The following PRKCE variants were observed in gnomAD, a reference collection of about 807,000 sequenced individuals.
PRKCE encodes protein kinase C epsilon.
In PRKCE, 16 loss-of-function variants were observed where a neutral mutation model predicts 85.4. The ratio of observed to expected loss-of-function variants is 0.19; its 90% CI spans 0.13 to 0.28. PRKCE has a LOEUF of 0.28. Ranked by LOEUF, PRKCE falls within the 10% of genes least tolerant of loss-of-function variation. PRKCE has a pLI of 1.00. For synonymous variants in PRKCE, 388 were observed against 371.5 expected, an observed-to-expected ratio of 1.04 and a Z score of -0.51; for missense variants, 573 against 975.2, an observed-to-expected ratio of 0.59 and a Z score of 5.49.
intron 2 of PRKCE, among the ~76,000 whole-genome samples, chr2:45,869,332 G>C (rs1484418264): frequency 6.6e-6 from 1 of 152,210 alleles, no homozygotes; most frequent in African/African-American, 2.4e-5. Flanking sequence ...TATCTTCAGG[G>C]AAGAGAGGAT....
At chr2:46,157,285 C>A (rs1051579405) in intron 13 of PRKCE, among the ~76,000 whole-genome samples, 2 of 152,178 alleles carry the variant, frequency 1.3e-5, no homozygotes, top group Admixed American at 1.3e-4. Context: ...GGCCACCATC[C>A]CAGGCCCCAA....
chr2:46,014,527 A>T (rs1437324192), intron 10 of PRKCE, among the ~76,000 whole-genome samples: 1 of 152,194 alleles, frequency 6.6e-6, no homozygotes, highest in Non-Finnish European at 1.5e-5. Context: ...AGTGGGTAAC[A>T]TTGTCAGTAG....
chr2:46,094,834 A>C (rs562617521), intron 11 of PRKCE, among the ~76,000 whole-genome samples: 1 of 152,176 alleles, frequency 6.6e-6, no homozygotes, highest in East Asian at 1.9e-4. Context: ...ATTTTCACTC[A>C]ATTTTAAGGT....
intron 1 of PRKCE, among the ~76,000 whole-genome samples, chr2:45,720,400 G>A (rs1052467215): frequency 1.3e-5 from 2 of 152,074 alleles, no homozygotes; most frequent in African/African-American, 4.8e-5. Context: ...ACCTCCCAGG[G>A]GTAGCTTGGG....
At chr2:45,878,714 C>T (rs1001826783) in intron 2 of PRKCE, among the ~76,000 whole-genome samples, 5 of 152,292 alleles carry the variant, frequency 3.3e-5, no homozygotes, top group Middle Eastern at 3.4e-3. Flanking sequence ...CTAGAGTTCT[C>T]ACTTTTTTAA....
chr2:46,097,586 TG>T (rs1428691733), intron 11 of PRKCE, among the ~76,000 whole-genome samples: 1 of 149,466 alleles, frequency 6.7e-6, no homozygotes, highest in Non-Finnish European at 1.5e-5. Context: ...GGGCTCCCTT[TG>T]CACCCAGCCA....
intron 1 of PRKCE, among the ~76,000 whole-genome samples, chr2:45,825,067 T>C (rs116345096): frequency 5.1e-4 from 77 of 152,318 alleles, no homozygotes; most frequent in African/African-American, 1.8e-3. Context: ...TTCAGCAAAT[T>C]TGCCAACTCC....
chr2:45,763,725 A>C (rs1684697446), intron 1 of PRKCE, among the ~76,000 whole-genome samples: 1 of 152,108 alleles, frequency 6.6e-6, no homozygotes, highest in Non-Finnish European at 1.5e-5. Flanking sequence ...TAAAGTCAGG[A>C]AGGGCCCAAG....
intron 1 of PRKCE, among the ~76,000 whole-genome samples, chr2:45,694,942 G>A (rs903947861): frequency 1.1e-4 from 17 of 152,084 alleles, no homozygotes; most frequent in Non-Finnish European, 2.4e-4. Context: ...TGAGGAGATC[G>A]GTGTTTTGGA....
chr2:45,978,270 G>A (rs1574092841), intron 3 of PRKCE: 2 of 152,340 alleles, frequency 1.3e-5, no homozygotes, highest in African/African-American at 4.8e-5. Flanking sequence ...GGTTCCCTGG[G>A]GTGGAGCCTG....
At chr2:46,002,416 T>C (rs966999166) in intron 7 of PRKCE, among the ~76,000 whole-genome samples, 1 of 152,214 alleles carries the variant, frequency 6.6e-6, no homozygotes, top group African/African-American at 2.4e-5. Flanking sequence ...TCCGCCTAAA[T>C]AGTCTCCCTG....
At chr2:46,117,267 C>T (rs556606747) in intron 11 of PRKCE, among the ~76,000 whole-genome samples, 1 of 152,302 alleles carries the variant, frequency 6.6e-6, no homozygotes, top group East Asian at 1.9e-4. Flanking sequence ...ACTTCATTCT[C>T]AGGGCAAAAA....
At chr2:45,892,284 G>C (rs897045414) in intron 2 of PRKCE, among the ~76,000 whole-genome samples, 1 of 152,198 alleles carries the variant, frequency 6.6e-6, no homozygotes, top group Non-Finnish European at 1.5e-5. Flanking sequence ...CATGTCCCAT[G>C]CCTGTCCACT....
chr2:46,171,844 C>T (rs575181194), intron 14 of PRKCE, among the ~76,000 whole-genome samples: 4 of 152,300 alleles, frequency 2.6e-5, no homozygotes, highest in East Asian at 1.9e-4. Flanking sequence ...TGTGGAGCTC[C>T]GGTCCAGTGG....
At chr2:46,178,187 G>C (rs4952807) in intron 14 of PRKCE, among the ~76,000 whole-genome samples, 60,707 of 152,098 alleles carry the variant, frequency 0.4, 14,617 homozygotes, top group East Asian at 0.86. Context: ...TTGAACCCGG[G>C]AGGCGGAGGT....
At chr2:45,720,250 A>G (rs1014802472) in intron 1 of PRKCE, among the ~76,000 whole-genome samples, 1 of 152,148 alleles carries the variant, frequency 6.6e-6, no homozygotes, top group Non-Finnish European at 1.5e-5. Flanking sequence ...GGGAGTTACC[A>G]TAAAGTGGAG....
chr2:45,759,923 A>G (rs1362094853), intron 1 of PRKCE, among the ~76,000 whole-genome samples: 1 of 152,158 alleles, frequency 6.6e-6, no homozygotes, highest in African/African-American at 2.4e-5. Context: ...TCTAATGTGT[A>G]GTTAGATTTT....
chr2:45,794,854 C>CCG (rs1558679636), intron 1 of PRKCE, among the ~76,000 whole-genome samples: 1 of 151,308 alleles, frequency 6.6e-6, no homozygotes, highest in Non-Finnish European at 1.5e-5. Flanking sequence ...TACCCCCCCC[C>CCG]CCATCCACCA....
At chr2:46,143,885 C>G (rs1347084725) in intron 11 of PRKCE, among the ~76,000 whole-genome samples, 1 of 152,168 alleles carries the variant, frequency 6.6e-6, no homozygotes, top group African/African-American at 2.4e-5. Context: ...TGCTTCCTGC[C>G]CCACCTTTGC....
Sources: allele counts gnomAD v4.1 joint callset (sites outside exome capture counted in the v4.1 genomes callset), GRCh38; gene constraint gnomAD v4.1.1; transcripts MANE v1.5; gene names NCBI Gene and HGNC (gene_info 2026-07-23, HGNC 2026-07-21).